Variants in GSR observed in about 807,000 individuals in gnomAD.
The protein encoded by GSR is glutathione reductase, mitochondrial.
In GSR, 48 loss-of-function variants were observed where a neutral mutation model predicts 56.5. That is an observed-to-expected ratio of 0.85 (90% CI 0.67 to 1.08). The LOEUF is 1.08. Ranked by LOEUF, GSR falls within the 50% of genes least tolerant of loss-of-function variation. GSR has a pLI of 0.00. For synonymous variants in GSR, 264 were observed against 270.8 expected, an observed-to-expected ratio of 0.97 and a Z score of 0.25; for missense variants, 694 against 703.3, an observed-to-expected ratio of 0.99 and a Z score of 0.15.
intron 7 of GSR, among the ~76,000 whole-genome samples, chr8:30,695,828 T>C (rs1803525980): frequency 6.6e-6 from 1 of 151,888 alleles, no homozygotes; most frequent in Non-Finnish European, 1.5e-5. Context: ...TCACCTGAGG[T>C]AGGGAGTTCG....
At chr8:30,682,474 G>A (rs1461372627) in intron 10 of GSR, among the ~76,000 whole-genome samples, 1 of 152,236 alleles carries the variant, frequency 6.6e-6, no homozygotes, top group Non-Finnish European at 1.5e-5. Context: ...TGTATAAGGT[G>A]TATGTAAAAC....
chr8:30,679,149 CAA>C lies in GSR; in HGVS notation c.*369_*370del, dbSNP rs35555269. On this transcript the variant is annotated 3_prime_UTR_variant, in exon 13 of 13. Coordinates refer to ENST00000221130, the MANE Select transcript of GSR (RefSeq NM_000637.5). ...GGGCAATGAGAGCAAAACTCTGTCT[CAA>C]AAAAAAAAAAAAAAAAAGTAGCAAG... is the stretch of plus-strand genomic sequence containing the variant. The C allele has an allele frequency of 0.026, 2,831 of 107,990 alleles. 1 individual carries two copies. The highest frequency in any genetic ancestry group is 0.057 in the South Asian group (439 of 7,688). 6.7% of individuals were successfully genotyped at this position (107,990 alleles called of 1,614,324 possible).
intron 11 of GSR, among the ~76,000 whole-genome samples, chr8:30,681,457 G>A (rs1802954688): frequency 6.6e-6 from 1 of 151,996 alleles, no homozygotes; most frequent in Admixed American, 6.6e-5. Context: ...ACCCAGAGGC[G>A]GAGGTTGCAG....
intron 8 of GSR, among the ~76,000 whole-genome samples, chr8:30,692,369 T>C (rs901183991): frequency 1.4e-5 from 2 of 148,014 alleles, no homozygotes; most frequent in Non-Finnish European, 3.0e-5. Context: ...GCTAATTTTG[T>C]ATTTTTGGTA....
At chr8:30,704,666 A>G (rs1226032878) in intron 4 of GSR, 1 of 152,220 alleles carries the variant, frequency 6.6e-6, no homozygotes, top group Non-Finnish European at 1.5e-5. Flanking sequence ...GGAACCATGT[A>G]AGCATGATTA....
intron 4 of GSR, among the ~76,000 whole-genome samples, chr8:30,706,814 TAAG>T (rs887283275): frequency 7.9e-5 from 12 of 152,140 alleles, no homozygotes; most frequent in Admixed American, 3.9e-4. Context: ...TTTGGTCTCT[TAAG>T]GAGGTCTTAC....
rs8190961 is a variant in GSR at position 30,707,270 on chromosome 8, G to A, written c.492+802C>T. Among the ~76,000 whole-genome samples, 96 of 152,316 alleles carry A rather than the reference G, an allele frequency of 6.3e-4. No individual in the cohort carries two copies. In the South Asian group the frequency reaches 0.019, roughly 30 times the overall value. ...TTGCCAGGCCAGACCTACTCAAGGT[G>A]CAGCCATTAGGTGAGGCCTGGTCTG... is the stretch of plus-strand genomic sequence containing the variant. On this transcript the variant is annotated intron_variant, in intron 4 of 12. Coordinates refer to ENST00000221130, the MANE Select transcript of GSR (RefSeq NM_000637.5).
intron 7 of GSR, among the ~76,000 whole-genome samples, chr8:30,694,970 G>A (rs1325628861): frequency 5.9e-5 from 9 of 151,520 alleles, no homozygotes; most frequent in Non-Finnish European, 1.2e-4. Context: ...TTGGAAGGCT[G>A]AGGCAGGAAA....
intron 8 of GSR, among the ~76,000 whole-genome samples, chr8:30,692,495 CTTTT>C (rs71206280): frequency 1.7e-5 from 1 of 59,060 alleles, no homozygotes; most frequent in Non-Finnish European, 2.8e-5. Context: ...CACACCCAGA[CTTTT>C]TTTTTTTTTT....
At chr8:30,705,407 C>T (rs1016901310) in intron 4 of GSR, among the ~76,000 whole-genome samples, 7 of 152,048 alleles carry the variant, frequency 4.6e-5, no homozygotes, top group Non-Finnish European at 4.4e-5. Context: ...GGAATACAGG[C>T]GCCCGCCACC....
At position 30,679,682 on chromosome 8, in the gene GSR, G is replaced by T. The variant is rs202236097; in HGVS notation, c.1420-13C>A. ...GGATCCCAACCACCTGGGAAAAGAAGAGAAACATTTTCTTTTCTTTCTTCT... is the reference window on the plus strand; with the variant it reads ...GGATCCCAACCACCTGGGAAAAGAATAGAAACATTTTCTTTTCTTTCTTCT... On this transcript the variant is annotated splice_polypyrimidine_tract_variant and intron_variant, in intron 12 of 12. Coordinates refer to ENST00000221130, the MANE Select transcript of GSR (RefSeq NM_000637.5). 8.1e-5 allele frequency: 129 copies of T among 1,594,992 alleles called. No individual in the cohort carries two copies. The African/African-American group carries it at 1.5e-3, about 19-fold the overall frequency.
At chr8:30,709,479 G>C (rs1025955580) in intron 3 of GSR, among the ~76,000 whole-genome samples, 42 of 152,200 alleles carry the variant, frequency 2.8e-4, no homozygotes, top group Non-Finnish European at 5.9e-5. Flanking sequence ...ACTTATATGA[G>C]TTCCCTAGAA....
At chr8:30,722,362 C>A (rs1412012818) in intron 1 of GSR, among the ~76,000 whole-genome samples, 1 of 152,316 alleles carries the variant, frequency 6.6e-6, no homozygotes, top group East Asian at 1.9e-4. Flanking sequence ...GGAGGGCTAT[C>A]TGTCAATATT....
intron 7 of GSR, among the ~76,000 whole-genome samples, chr8:30,694,897 C>CAA (rs780570686): frequency 0.36 from 36,145 of 99,676 alleles, 7,112 homozygotes; most frequent in East Asian, 0.51. Context: ...GACTCTGTCT[C>CAA]AAAAAAAAAA....
chr8:30,722,473 C>T (rs903430206), intron 1 of GSR, among the ~76,000 whole-genome samples: 4 of 151,986 alleles, frequency 2.6e-5, no homozygotes, highest in African/African-American at 9.7e-5. Context: ...TGCCTGTAAT[C>T]CCAGCACTTT....
rs1453286196 is a variant in GSR at position 30,681,109 on chromosome 8, G to A, written c.1286-72C>T. On this transcript the variant is annotated intron_variant, in intron 11 of 12. Transcript: ENST00000221130. Reference sequence around the variant, plus strand: ...ACACTGAACTATCAAAGAGGGAGATGACCAGAAATACATAACCTCAATCAA... The same window carrying A: ...ACACTGAACTATCAAAGAGGGAGATAACCAGAAATACATAACCTCAATCAA... 3 of 1,240,810 alleles carry A rather than the reference G, an allele frequency of 2.4e-6. No homozygotes were observed. The East Asian group carries it at 6.9e-5, about 29-fold the overall frequency. The allele number at this position is 1,240,810 out of a possible 1,614,324, so 76.9% of individuals were successfully genotyped here. A position where few individuals can be genotyped will look rare whatever the true frequency, so the allele number is the denominator to read the frequency against.
chr8:30,718,098 T>C (rs999829599), intron 1 of GSR, among the ~76,000 whole-genome samples: 14 of 132,944 alleles, frequency 1.1e-4, no homozygotes, highest in African/African-American at 2.7e-4. Context: ...TGAAATTCTG[T>C]CTCAAAAAAA....
rs5890533 is a variant in GSR, at chr8:30,723,783, A to AACACACACAC, written c.306+3737_306+3746dup. Reference sequence around the variant, plus strand: ...CTCCAGCCTGGGTGACAGAGCAACAAACACACACACACACACACACACACA... The same window carrying AACACACACAC: ...CTCCAGCCTGGGTGACAGAGCAACAAACACACACACACACACACACACACACACACACACA... On this transcript the variant is annotated intron_variant, in intron 1 of 12. Transcript: ENST00000221130. Among the ~76,000 whole-genome samples, 8 of 52,620 alleles carry AACACACACAC rather than the reference A, an allele frequency of 1.5e-4. 1 individual carries two copies. The highest frequency in any genetic ancestry group is 2.1e-4 in the African/African-American group (7 of 33,142). 34.5% of individuals were successfully genotyped at this position (52,620 alleles called of 152,430 possible).
intron 4 of GSR, among the ~76,000 whole-genome samples, chr8:30,703,448 A>G (rs1262673056): frequency 6.6e-6 from 1 of 152,110 alleles, no homozygotes; most frequent in Non-Finnish European, 1.5e-5. Context: ...CCGGAAGTAT[A>G]CAGTAAGATG....
Sources: allele counts gnomAD v4.1 joint callset (sites outside exome capture counted in the v4.1 genomes callset), GRCh38; gene constraint gnomAD v4.1.1; transcripts MANE v1.5; gene names NCBI Gene and HGNC (gene_info 2026-07-23, HGNC 2026-07-21).